ASIC2: variants seen among roughly 807,000 people sequenced by gnomAD.
ASIC2 encodes the protein acid sensing ion channel subunit 2.
In ASIC2, 25 loss-of-function variants were observed where a neutral mutation model predicts 57.3. That is an observed-to-expected ratio of 0.44 (90% CI 0.32 to 0.61). The LOEUF (loss-of-function observed/expected upper bound fraction) is 0.61, where lower values mean the gene tolerates loss of function less well. Ranked by LOEUF, ASIC2 falls within the 20% of genes least tolerant of loss-of-function variation. The pLI, the probability that ASIC2 is intolerant of heterozygous loss-of-function variation, is 0.06. For synonymous variants in ASIC2, 319 were observed against 307.5 expected (o/e 1.04, Z -0.39); for missense variants, 641 against 738.1 (o/e 0.87, Z 1.52).
rs543336681 is a variant in ASIC2, at chr17:34,056,074, G to A, written c.555+99904C>T. Among the ~76,000 whole-genome samples the A allele has an allele frequency of 3.3e-5, 5 of 152,226 alleles. No homozygotes were observed. In the South Asian group the frequency reaches 6.2e-4, roughly 19 times the overall value. ...ATTTGAAATATATATTGATAAATACGGTCAAGAATATTTGCCAGTGAATTA... is the reference window on the plus strand; with the variant it reads ...ATTTGAAATATATATTGATAAATACAGTCAAGAATATTTGCCAGTGAATTA... On this transcript the variant is annotated intron_variant, in intron 1 of 9. Coordinates refer to the ASIC2 transcript ENST00000359872.
At chr17:33,268,406 C>T (rs551855536) in intron 1 of ASIC2, among the ~76,000 whole-genome samples, 26 of 152,136 alleles carry the variant, frequency 1.7e-4, no homozygotes, top group African/African-American at 6.3e-4. Flanking sequence ...TACATTTATC[C>T]ATTCATCTAT....
chr17:33,477,105 G>T (rs562687408), intron 1 of ASIC2, among the ~76,000 whole-genome samples: 2 of 152,070 alleles, frequency 1.3e-5, no homozygotes, highest in Non-Finnish European at 2.9e-5. Flanking sequence ...TTATTCCATT[G>T]TATAGCTTTA....
At chr17:33,481,734 C>T (rs1394539235) in intron 1 of ASIC2, among the ~76,000 whole-genome samples, 1 of 152,108 alleles carries the variant, frequency 6.6e-6, no homozygotes, top group Non-Finnish European at 1.5e-5. Flanking sequence ...CAGTGAAAAC[C>T]TCTTGACCTG....
At position 33,014,065 on chromosome 17, in the gene ASIC2, C is replaced by T. The variant is rs754437193; in HGVS notation, c.1592G>A (p.Ser531Asn). Residue 531 changes from serine (S) to asparagine (N), a missense_variant and splice_region_variant, in exon 10 of 10, where the codon AGT becomes AAT. By Grantham distance (46) the Ser-to-Asn change is conservative. Transcript: ENST00000225823. ...EDEGSHDENV[S>N]TCDTMPNHSE... ...GTGGTTTGGCATTGTGTCACAAGTA[C>T]TCTGGAAGGGAAGGGTTGGTGGGAG... is the stretch of plus-strand genomic sequence containing the variant. 29 of 1,593,236 alleles carry T rather than the reference C, an allele frequency of 1.8e-5. No individual in the cohort carries two copies. The highest frequency in any genetic ancestry group is 2.5e-5 in the Non-Finnish European group (29 of 1,168,524).
Position 33,430,493 on chromosome 17 carries a change from G to T in ASIC2, c.556-318426C>A, listed in dbSNP as rs1546350. On this transcript the variant is annotated intron_variant, in intron 1 of 9. Transcript: ENST00000359872. ...CCCTACTTCACGTCACTGACCCTAC[G>T]ATAGGAGTCATAATTGTCAATGCCT... Among the ~76,000 whole-genome samples, 343 of 152,232 alleles carry T rather than the reference G, an allele frequency of 2.3e-3. 1 individual carries two copies. The highest frequency in any genetic ancestry group is 8.0e-3 in the African/African-American group (334 of 41,524).
At chr17:33,255,124 C>T (rs747356089) in intron 1 of ASIC2, among the ~76,000 whole-genome samples, 9 of 148,274 alleles carry the variant, frequency 6.1e-5, no homozygotes, top group Admixed American at 1.4e-4. Context: ...ACTGAAACCT[C>T]CACCTCTTGG....
intron 1 of ASIC2, among the ~76,000 whole-genome samples, chr17:34,154,279 T>C (rs1904632864): frequency 6.6e-6 from 1 of 152,202 alleles, no homozygotes; most frequent in Non-Finnish European, 1.5e-5. Flanking sequence ...TAAGGCATTT[T>C]CTCTATCTCT....
intron 1 of ASIC2, among the ~76,000 whole-genome samples, chr17:34,119,879 C>T (rs190446700): frequency 1.3e-5 from 2 of 152,280 alleles, no homozygotes; most frequent in East Asian, 1.9e-4. Context: ...TGAGCACTAA[C>T]GTATATTATC....
At chr17:33,408,846 TGA>T (rs1171890517) in intron 1 of ASIC2, among the ~76,000 whole-genome samples, 11 of 151,972 alleles carry the variant, frequency 7.2e-5, no homozygotes, top group Non-Finnish European at 4.4e-5. Context: ...GAGTGAGGGA[TGA>T]GAGAGGACAG....
At chr17:33,293,853 AT>A (rs1245171619), upstream of ASIC2, among the ~76,000 whole-genome samples, 1 of 151,998 alleles carries the variant, frequency 6.6e-6, no homozygotes, top group Non-Finnish European at 1.5e-5. Context: ...TGGGTTTGAA[AT>A]GCATGTGTTG....
intron 1 of ASIC2, among the ~76,000 whole-genome samples, chr17:33,579,486 C>T (rs1187691383): frequency 3.3e-5 from 5 of 152,186 alleles, no homozygotes; most frequent in African/African-American, 9.6e-5. Flanking sequence ...TTGAGAATCA[C>T]GTGCCTTACT....
upstream of ASIC2, among the ~76,000 whole-genome samples, chr17:33,294,616 CACAA>C (rs567299603): frequency 8.5e-4 from 130 of 152,188 alleles, no homozygotes; most frequent in African/African-American, 3.0e-3. Flanking sequence ...CACACATATA[CACAA>C]ACACACACAC....
At chr17:33,408,284 T>C (rs1366343362) in intron 1 of ASIC2, among the ~76,000 whole-genome samples, 2 of 152,226 alleles carry the variant, frequency 1.3e-5, no homozygotes, top group African/African-American at 2.4e-5. Context: ...CCAACAAATG[T>C]CATGTCCATG....
intron 1 of ASIC2, among the ~76,000 whole-genome samples, chr17:34,048,824 C>G (rs1222608745): frequency 6.6e-6 from 1 of 152,162 alleles, no homozygotes; most frequent in African/African-American, 2.4e-5. Flanking sequence ...AGACCAGCAA[C>G]ATAGTGAACA....
intron 1 of ASIC2, among the ~76,000 whole-genome samples, chr17:33,860,377 C>G (rs781100999): frequency 2.0e-5 from 3 of 152,170 alleles, no homozygotes; most frequent in Non-Finnish European, 4.4e-5. Flanking sequence ...GAGTCAGTGA[C>G]CATCTATGCA....
In ASIC2 at chr17:33,067,911, C is replaced by T. The variant is rs116292214; in HGVS notation, c.987+20952G>A. 6.7e-3 allele frequency among the ~76,000 whole-genome samples: 1,018 copies of T among 152,214 alleles called. 7 individuals are homozygous for T. Among genetic ancestry groups the T allele is most frequent in the African/African-American group, 0.023 (965 of 41,512 alleles). ...CAACCTTTTCTGAGTAGTCCACAAC[C>T]CCTGCAGAGCAGCCTGGGCCCAAAG... On this transcript the variant is annotated intron_variant, in intron 3 of 9. Transcript: ENST00000225823.
At chr17:33,185,103 C>T (rs553807543) in intron 1 of ASIC2, among the ~76,000 whole-genome samples, 30 of 152,164 alleles carry the variant, frequency 2.0e-4, no homozygotes, top group Non-Finnish European at 4.1e-4. Context: ...ATAACAGAAG[C>T]GTCAATGGAA....
At chr17:33,346,030 C>T (rs1597692311) in intron 1 of ASIC2, among the ~76,000 whole-genome samples, 1 of 151,986 alleles carries the variant, frequency 6.6e-6, no homozygotes, top group Admixed American at 6.6e-5. Flanking sequence ...AGCTCAAGAC[C>T]AGCCTGGGCA....
chr17:33,368,359 C>G (rs530751978), intron 1 of ASIC2, among the ~76,000 whole-genome samples: 11 of 152,274 alleles, frequency 7.2e-5, no homozygotes, highest in African/African-American at 2.6e-4. Context: ...TGGAGTTTTC[C>G]CAGCCTTAAC....
Sources: gnomAD v4.1 joint callset for allele counts (sites outside exome capture counted in the v4.1 genomes callset) on GRCh38, gnomAD v4.1.1 for gene constraint, MANE v1.5 for transcripts, NCBI Gene and HGNC (gene_info 2026-07-23, HGNC 2026-07-21) for gene names.